POLE4: variants seen among roughly 807,000 people sequenced by gnomAD.
POLE4 encodes the protein DNA polymerase epsilon subunit 4.
POLE4 carries 15 observed loss-of-function variants against 15.6 expected under a neutral mutation model. The observed-to-expected ratio is 0.96, with a 90% CI of 0.64 to 1.48. The LOEUF (loss-of-function observed/expected upper bound fraction) is 1.48, where lower values mean the gene tolerates loss of function less well. Ranked by LOEUF, POLE4 falls within the 40% of genes most tolerant of loss-of-function variation. The pLI is 0.00. For synonymous variants in POLE4, 83 were observed against 63.2 expected (o/e 1.31, Z -1.49); for missense variants, 205 against 151.9 (o/e 1.35, Z -1.84).
At chr2:74,958,999 A>C in intron 1 of POLE4, 107 bp downstream of exon 1, 1 of 1,054,004 alleles carries the variant, frequency 9.5e-7, no homozygotes, top group East Asian at 2.7e-5. Context: ...CCGGGTTTTG[A>C]GATGTGGGCG....
At chr2:74,960,415 T>G (rs1671199120) in intron 3 of POLE4, among the ~76,000 whole-genome samples, 2 of 152,314 alleles carry the variant, frequency 1.3e-5, no homozygotes, top group South Asian at 2.1e-4. Flanking sequence ...ATTCGAAAGT[T>G]CGATTCCTAC....
At position 74,960,119 on chromosome 2, in the gene POLE4, G is replaced by A. The variant is rs767323408; in HGVS notation, c.313G>A (p.Ala105Thr). ...TTGTGTTTCAGATAATGCAATAGAA[G>A]CTGTGGATGAATTTGCTTTTCTGGA... ...QRRDLDNAIE[A>T]VDEFAFLEGT... Residue 105 changes from alanine to threonine, a missense_variant, in exon 3 of 4, where the codon GCT (alanine) becomes ACT (threonine). Ala to Thr is a moderately conservative substitution (Grantham distance 58). Coordinates refer to ENST00000483063, the MANE Select transcript of POLE4 (RefSeq NM_019896.4). 5.6e-6 allele frequency: 9 copies of A among 1,613,756 alleles called. No homozygotes were observed. Among genetic ancestry groups the A allele is most frequent in the East Asian group, 2.2e-5 (1 of 44,888 alleles).
chr2:74,961,130 G>C (rs971454216), intron 3 of POLE4: 1 of 152,554 alleles, frequency 6.6e-6, no homozygotes, highest in East Asian at 1.9e-4. Context: ...CATGTATTTT[G>C]ATTGAATAGC....
intron 3 of POLE4, among the ~76,000 whole-genome samples, chr2:74,966,874 GA>G (rs1336985718): frequency 1.3e-5 from 2 of 151,544 alleles, no homozygotes; most frequent in African/African-American, 4.8e-5. Context: ...ATTCTAGGTG[GA>G]AAATTATTTT....
rs764673824 is a variant in POLE4 at position 74,959,331 on chromosome 2, T to A, written c.214-10T>A. The A allele has an allele frequency of 3.7e-6, 6 of 1,608,310 alleles. No individual in the cohort carries two copies. The East Asian group carries it at 1.3e-4, about 36-fold the overall frequency. On this transcript the variant is annotated splice_polypyrimidine_tract_variant and intron_variant, in intron 1 of 3. Transcript: ENST00000483063. Reference sequence around the variant, plus strand: ...ACCCATTACTAAAACTTTGCTTTTTTACTTCACAGGAACTGTTTGTGGAGA... The same window carrying A: ...ACCCATTACTAAAACTTTGCTTTTTAACTTCACAGGAACTGTTTGTGGAGA...
At chr2:74,964,990 T>G (rs1296066258) in intron 3 of POLE4, among the ~76,000 whole-genome samples, 1 of 152,174 alleles carries the variant, frequency 6.6e-6, no homozygotes, top group African/African-American at 2.4e-5. Flanking sequence ...TTTAACAGAT[T>G]ATGAATGTTG....
chr2:74,961,430 T>C (rs1558827577), intron 3 of POLE4: 1 of 152,240 alleles, frequency 6.6e-6, no homozygotes. Flanking sequence ...AATTAACTTT[T>C]GTTAGTCCTA....
At chr2:74,959,687 A>G (rs980650542) in intron 2 of POLE4, 22 of 432,354 alleles carry the variant, frequency 5.1e-5, no homozygotes, top group Middle Eastern at 5.8e-4. Context: ...CCAGAAAAAG[A>G]TATTTCTTTT....
chr2:74,967,087 A>G (rs1343926068), intron 3 of POLE4, among the ~76,000 whole-genome samples: 1 of 151,898 alleles, frequency 6.6e-6, no homozygotes, highest in East Asian at 1.9e-4. Flanking sequence ...AGTTTGTTTG[A>G]GCTTCTTGAA....
chr2:74,969,365 C>T (rs756392311), intron 3 of POLE4, 44 bp from the exon 4 acceptor site: 2 of 1,601,430 alleles, frequency 1.2e-6, no homozygotes, highest in East Asian at 2.2e-5. Flanking sequence ...ACTAATCCAG[C>T]TTCTGAGGTC....
At chr2:74,960,172 A>G (rs1251756394) in intron 3 of POLE4, 26 bp downstream of exon 3, 3 of 1,589,040 alleles carry the variant, frequency 1.9e-6, no homozygotes, top group Non-Finnish European at 2.6e-6. Context: ...GTGGGCAATC[A>G]TTTCCGCCTG....
Position 74,958,777 on chromosome 2 carries a change from TGCCTGG to T in POLE4, c.100_105del (p.Pro34_Gly35del). The T allele has an allele frequency of 6.5e-7, 1 of 1,547,472 alleles. No individual in the cohort carries two copies. The highest frequency in any genetic ancestry group is 8.7e-7 in the Non-Finnish European group (1 of 1,145,260). On this transcript the variant is annotated inframe_deletion, in exon 1 of 4. Coordinates refer to ENST00000483063, the MANE Select transcript of POLE4 (RefSeq NM_019896.4). ...TCGCAGCCCCAGGCCCCAACGAGTG[TGCCTGG>T]GGCTCGTCTCTCGAGGTTGCCTCTG...
rs1350626238 is a variant in POLE4, at chr2:74,969,524, A to G, written c.*102A>G. 6.9e-6 allele frequency: 7 copies of G among 1,018,084 alleles called. No homozygotes were observed. Among genetic ancestry groups the G allele is most frequent in the Admixed American group, 3.4e-5 (2 of 59,142 alleles). The allele number at this position is 1,018,084 out of a possible 1,614,324, so 63.1% of individuals were successfully genotyped here. A position where few individuals can be genotyped will look rare whatever the true frequency, so the allele number is the denominator to read the frequency against. ...GAACGGAGTCTTTGCACTTACACAC[A>G]CTCTTCCTGTTCTGCCTTCACCTAT... On this transcript the variant is annotated 3_prime_UTR_variant, in exon 4 of 4. Transcript: ENST00000483063.
In POLE4 at chr2:74,969,406, T is replaced by G; in HGVS notation, c.341-3T>G. The G allele has an allele frequency of 2.5e-6, 4 of 1,613,782 alleles. No individual in the cohort carries two copies. The highest frequency in any genetic ancestry group is 2.5e-6 in the Non-Finnish European group (3 of 1,179,674). ...ATATACTCATTGCTCTTTGTATGTT[T>G]AGGTACTTTAGATTGATTGCCGAGC... On this transcript the variant is annotated splice_region_variant and splice_polypyrimidine_tract_variant and intron_variant, in intron 3 of 3. Transcript: ENST00000483063.
chr2:74,967,418 A>T (rs1386581902), intron 3 of POLE4, among the ~76,000 whole-genome samples: 1 of 151,520 alleles, frequency 6.6e-6, no homozygotes, highest in Non-Finnish European at 1.5e-5. Flanking sequence ...TAGCTTAATA[A>T]AGTATCAAGC....
intron 3 of POLE4, among the ~76,000 whole-genome samples, chr2:74,963,644 C>T (rs1671257095): frequency 6.6e-6 from 1 of 151,956 alleles, no homozygotes; most frequent in African/African-American, 2.4e-5. Flanking sequence ...TGTACCACCA[C>T]GCCTGGCTAA....
rs376522737 is a variant in POLE4 at position 74,969,456 on chromosome 2, T to G, written c.*34T>G. ...CGGGGCAGTTTTGTGAGCCTTCATC[T>G]GAAGCCTTCAGTTCACCCCTCTGCA... On this transcript the variant is annotated 3_prime_UTR_variant, in exon 4 of 4. Transcript: ENST00000483063. 8.7e-6 allele frequency: 14 copies of G among 1,608,968 alleles called. No individual in the cohort carries two copies. The highest frequency in any genetic ancestry group is 1.1e-5 in the Non-Finnish European group (13 of 1,175,418).
rs1671193795 is a variant in POLE4, at chr2:74,960,126, A to G, written c.320A>G (p.Asp107Gly). The change falls in exon 3 of 4, where the codon GAT (aspartate) becomes GGT (glycine). Residue 107 changes from aspartate (D) to glycine (G), a missense_variant. Asp to Gly is a moderately conservative substitution (Grantham distance 94, BLOSUM62 -1). Transcript: ENST00000483063. The stretch of plus-strand genomic sequence containing the variant: ...TCAGATAATGCAATAGAAGCTGTGG[A>G]TGAATTTGCTTTTCTGGAAGGTGAG... ...RDLDNAIEAV[D>G]EFAFLEGTLD The G allele has an allele frequency of 1.2e-6, 2 of 1,613,766 alleles. No homozygotes were observed. The highest frequency in any genetic ancestry group is 1.7e-5 in the Admixed American group (1 of 59,986).
chr2:74,959,358 C>G lies in POLE4; in HGVS notation c.231C>G (p.Thr77=). Residue 77 remains threonine, a synonymous_variant, in exon 2 of 4, where the codon ACC becomes ACG. Coordinates refer to ENST00000483063, the MANE Select transcript of POLE4 (RefSeq NM_019896.4). ...LARAAELFVE[T]IAKDAYCCAQ... is the part of the protein sequence containing the mutation. The stretch of plus-strand genomic sequence containing the variant: ...CTTCACAGGAACTGTTTGTGGAGAC[C>G]ATTGCAAAAGATGCCTACTGTTGCG... The G allele has an allele frequency of 1.2e-6, 2 of 1,613,332 alleles. No homozygotes were observed. The highest frequency in any genetic ancestry group is 1.7e-6 in the Non-Finnish European group (2 of 1,179,306).
Sources: allele counts gnomAD v4.1 joint callset (sites outside exome capture counted in the v4.1 genomes callset), GRCh38; gene constraint gnomAD v4.1.1; transcripts MANE v1.5; gene names NCBI Gene and HGNC (gene_info 2026-07-23, HGNC 2026-07-21).